Variants in HYKK observed in about 807,000 individuals in gnomAD.
HYKK encodes hydroxylysine kinase.
In HYKK, 19 loss-of-function variants were observed where a neutral mutation model predicts 29.7. The ratio of observed to expected loss-of-function variants is 0.64; its 90% CI spans 0.45 to 0.94. HYKK has a LOEUF of 0.94. Ranked by LOEUF, HYKK falls within the 40% of genes least tolerant of loss-of-function variation. HYKK has a pLI of 0.00. For missense variants in HYKK, 390 were observed against 443.4 expected, an observed-to-expected ratio of 0.88 and a Z score of 1.08; for synonymous variants, 152 against 158.1, an observed-to-expected ratio of 0.96 and a Z score of 0.29.
At chr15:78,522,392 A>T (rs1448808619) in intron 3 of HYKK, among the ~76,000 whole-genome samples, 1 of 151,318 alleles carries the variant, frequency 6.6e-6, no homozygotes. Context: ...TGTCTCTACT[A>T]AAAAAAAATT....
At chr15:78,513,828 A>G (rs944952814) in intron 2 of HYKK, among the ~76,000 whole-genome samples, 15 of 152,044 alleles carry the variant, frequency 9.9e-5, no homozygotes, top group African/African-American at 3.4e-4. Flanking sequence ...GTCTCACTCT[A>G]TCACCCAGAC....
chr15:78,511,616 C>A (rs2052073797), intron 1 of HYKK, among the ~76,000 whole-genome samples: 1 of 152,006 alleles, frequency 6.6e-6, no homozygotes, highest in Admixed American at 6.6e-5. Flanking sequence ...TCCCAGCCAC[C>A]TAGGAGGCTG....
intron 3 of HYKK, among the ~76,000 whole-genome samples, chr15:78,517,102 TTTCTTTC>T (rs2052142947): frequency 6.9e-5 from 4 of 58,232 alleles, no homozygotes; most frequent in South Asian, 1.2e-3. Flanking sequence ...TCTTTCTTTC[TTTCTTTC>T]TTTTTTTTTT....
intron 3 of HYKK, among the ~76,000 whole-genome samples, chr15:78,525,156 ATTTG>A (rs1178874210): frequency 6.6e-6 from 1 of 150,888 alleles, no homozygotes; most frequent in Non-Finnish European, 1.5e-5. Context: ...TTTTATTTTT[ATTTG>A]TTTATTTATT....
chr15:78,527,338 T>C (rs755171111), intron 3 of HYKK, 42 bp from the exon 4 acceptor site: 73 of 1,568,668 alleles, frequency 4.7e-5, no homozygotes, highest in Non-Finnish European at 6.1e-5. Context: ...TCAGCAGTGG[T>C]TGCTCTGTCA....
chr15:78,509,843 T>G (rs2052053563), intron 1 of HYKK, among the ~76,000 whole-genome samples: 1 of 152,236 alleles, frequency 6.6e-6, no homozygotes, highest in Non-Finnish European at 1.5e-5. Context: ...TCTGAACGGC[T>G]TAACTTGCTT....
At chr15:78,530,860 T>C (rs2052305112) in intron 4 of HYKK, among the ~76,000 whole-genome samples, 1 of 151,884 alleles carries the variant, frequency 6.6e-6, no homozygotes, top group African/African-American at 2.4e-5. Flanking sequence ...TGTTTTGGTT[T>C]TTTTTGTTTG....
At chr15:78,511,729 T>A (rs79546948) in intron 1 of HYKK, among the ~76,000 whole-genome samples, 11 of 147,356 alleles carry the variant, frequency 7.5e-5, no homozygotes, top group Non-Finnish European at 9.0e-5. Flanking sequence ...CTGAAAAAAA[T>A]AAAAAAAAAA....
chr15:78,520,962 G>T (rs2052189612), intron 3 of HYKK, among the ~76,000 whole-genome samples: 1 of 151,792 alleles, frequency 6.6e-6, no homozygotes, highest in Non-Finnish European at 1.5e-5. Flanking sequence ...GGCCGGGCGG[G>T]GGGCTGACCC....
intron 4 of HYKK, 79 bp downstream of exon 4, chr15:78,527,642 C>A: frequency 3.9e-6 from 6 of 1,533,660 alleles, no homozygotes; most frequent in South Asian, 1.3e-5. Context: ...TATGGAGGTA[C>A]AATTTAGCTT....
chr15:78,515,240 C>T (rs2052118976), intron 3 of HYKK, 133 bp downstream of exon 3: 1 of 542,498 alleles, frequency 1.8e-6, no homozygotes, highest in Non-Finnish European at 2.9e-6. Flanking sequence ...GGAATGGAGT[C>T]CTAGAGTGCA....
chr15:78,525,986 C>T (rs192580653), intron 3 of HYKK, among the ~76,000 whole-genome samples: 66 of 152,334 alleles, frequency 4.3e-4, no homozygotes, highest in African/African-American at 1.3e-3. Context: ...CATCTTCCAG[C>T]GCTCACTCTG....
In HYKK at chr15:78,534,946, G is replaced by A. The variant is rs563923602; in HGVS notation, c.*1276G>A. 1.3e-5 allele frequency: 2 copies of A among 152,324 alleles called. No homozygotes were observed. The highest frequency in any genetic ancestry group is 2.4e-5 in the African/African-American group (1 of 41,572). The allele number at this position is 152,324 out of a possible 1,614,324, so 9.4% of individuals were successfully genotyped here. ...GGATGACTATGAAGTAGATTGGGTAGACTGAAGCTCACTGTATTCTTGGCT... is the reference window on the plus strand; with the variant it reads ...GGATGACTATGAAGTAGATTGGGTAAACTGAAGCTCACTGTATTCTTGGCT... On this transcript the variant is annotated 3_prime_UTR_variant, in exon 5 of 5. Coordinates refer to ENST00000388988, the MANE Select transcript of HYKK (RefSeq NM_001013619.4).
chr15:78,508,033 A>G (rs2052031992), intron 1 of HYKK, among the ~76,000 whole-genome samples: 1 of 151,924 alleles, frequency 6.6e-6, no homozygotes. Flanking sequence ...TCACTTACTC[A>G]TGCGCCCTCC....
rs1209230913 is a variant in HYKK, at chr15:78,527,497, A to T, written c.595A>T (p.Ile199Phe). The T allele has an allele frequency of 1.2e-6, 2 of 1,614,176 alleles. No individual in the cohort carries two copies. Among genetic ancestry groups the T allele is most frequent in the South Asian group, 2.2e-5 (2 of 91,084 alleles). Residue 199 changes from isoleucine (I) to phenylalanine (F), a missense_variant, in exon 4 of 5, where the codon ATT becomes TTT. Coordinates refer to ENST00000388988, the MANE Select transcript of HYKK (RefSeq NM_001013619.4). The part of the protein sequence containing the change: ...YALGQNRNRE[I>F]VEHVIHLFKE... The stretch of plus-strand genomic sequence containing the variant: ...CCTGGGCCAGAATCGAAACCGAGAG[A>T]TTGTTGAGCATGTCATTCATCTGTT...
At chr15:78,516,613 G>C (rs564738413) in intron 3 of HYKK, among the ~76,000 whole-genome samples, 27 of 152,102 alleles carry the variant, frequency 1.8e-4, no homozygotes, top group Admixed American at 1.8e-3. Context: ...GCCTCCCAAA[G>C]TGCTGGGATG....
chr15:78,507,997 G>A (rs1567012083), intron 1 of HYKK, among the ~76,000 whole-genome samples: 1 of 152,162 alleles, frequency 6.6e-6, no homozygotes, highest in African/African-American at 2.4e-5. Flanking sequence ...TGTCTACTGG[G>A]AGCAGTCTCT....
intron 1 of HYKK, among the ~76,000 whole-genome samples, chr15:78,512,145 C>T (rs112494554): frequency 2.4e-4 from 36 of 152,262 alleles, no homozygotes; most frequent in African/African-American, 8.2e-4. Flanking sequence ...ATAGTTAATA[C>T]AGGGTTTTCT....
At chr15:78,537,293 C>A, downstream of HYKK, 1 of 644,458 alleles carries the variant, frequency 1.6e-6, no homozygotes, top group Non-Finnish European at 2.9e-6. Context: ...TTTTACTTTA[C>A]TTTCAGGACC....
Sources: allele counts gnomAD v4.1 joint callset (sites outside exome capture counted in the v4.1 genomes callset), GRCh38; gene constraint gnomAD v4.1.1; transcripts MANE v1.5; gene names NCBI Gene and HGNC (gene_info 2026-07-23, HGNC 2026-07-21).